RALGAPA2: variants seen among roughly 807,000 people sequenced by gnomAD.
RALGAPA2 encodes ral GTPase-activating protein subunit alpha-2.
Under a neutral mutation model 230.4 loss-of-function variants are expected in RALGAPA2, and 139 were observed. The observed-to-expected ratio is 0.60, with a 90% confidence interval of 0.53 to 0.69. RALGAPA2 has a LOEUF of 0.69. Ranked by LOEUF, RALGAPA2 falls within the 30% of genes least tolerant of loss-of-function variation. The pLI, the probability that RALGAPA2 is intolerant of heterozygous loss-of-function variation, is 0.00. For synonymous variants in RALGAPA2, 847 were observed against 837.8 expected (o/e 1.01, Z -0.19); for missense variants, 2,163 against 2,276.0 (o/e 0.95, Z 1.01).
At chr20:20,574,795 C>T (rs2064767535) in intron 20 of RALGAPA2, among the ~76,000 whole-genome samples, 1 of 152,128 alleles carries the variant, frequency 6.6e-6, no homozygotes, top group African/African-American at 2.4e-5. Context: ...AAGCACATTC[C>T]TCTAATCTCT....
At chr20:20,440,730 G>A (rs555999936) in intron 37 of RALGAPA2, among the ~76,000 whole-genome samples, 65 of 152,356 alleles carry the variant, frequency 4.3e-4, no homozygotes, top group Non-Finnish European at 7.3e-4. Context: ...GTACTCCCCG[G>A]CCCGGGCCTT....
intron 38 of RALGAPA2, among the ~76,000 whole-genome samples, chr20:20,408,056 A>C (rs974185882): frequency 6.6e-6 from 1 of 152,238 alleles, no homozygotes; most frequent in African/African-American, 2.4e-5. Flanking sequence ...GTGTTTATGC[A>C]GGGCTAACAA....
intron 16 of RALGAPA2, among the ~76,000 whole-genome samples, chr20:20,596,077 A>G (rs1292996968): frequency 6.6e-6 from 1 of 152,166 alleles, no homozygotes; most frequent in Non-Finnish European, 1.5e-5. Flanking sequence ...TACCTCCCCA[A>G]CTGTGTTTCT....
chr20:20,464,952 G>C (rs560005231), intron 37 of RALGAPA2, among the ~76,000 whole-genome samples: 2 of 152,228 alleles, frequency 1.3e-5, no homozygotes, highest in East Asian at 1.9e-4. Context: ...AAATGGAAAA[G>C]AGAGAGTTAA....
intron 37 of RALGAPA2, among the ~76,000 whole-genome samples, chr20:20,438,213 A>C (rs1476570342): frequency 6.6e-6 from 1 of 152,220 alleles, no homozygotes; most frequent in South Asian, 2.1e-4. Flanking sequence ...AGATATTTTC[A>C]TGACGCATTA....
intron 23 of RALGAPA2, among the ~76,000 whole-genome samples, chr20:20,548,596 C>T (rs191140720): frequency 6.6e-6 from 1 of 152,114 alleles, no homozygotes; most frequent in African/African-American, 2.4e-5. Flanking sequence ...CATGCTTCTT[C>T]CAGGTTAATG....
chr20:20,689,472 T>C (rs2068824284), intron 1 of RALGAPA2, among the ~76,000 whole-genome samples: 1 of 151,956 alleles, frequency 6.6e-6, no homozygotes, highest in East Asian at 1.9e-4. Context: ...TGAAACCCCG[T>C]CTCTACTAAA....
At chr20:20,584,332 C>G (rs780462455) in intron 19 of RALGAPA2, among the ~76,000 whole-genome samples, 4 of 152,176 alleles carry the variant, frequency 2.6e-5, no homozygotes, top group Non-Finnish European at 5.9e-5. Flanking sequence ...TCCGGTCTAT[C>G]TGCTCACTCA....
intron 3 of RALGAPA2, chr20:20,660,039 G>A (rs527680836): frequency 1.8e-4 from 31 of 175,864 alleles, no homozygotes; most frequent in East Asian, 1.3e-3. Context: ...GAGGCCAGAA[G>A]TTCGAGACCA....
chr20:20,659,843 C>T, intron 3 of RALGAPA2: 1 of 681,816 alleles, frequency 1.5e-6, no homozygotes, highest in Non-Finnish European at 2.5e-6. Flanking sequence ...AAGAGGAAAG[C>T]TATTGTCCCT....
At chr20:20,679,079 C>T (rs2068435085) in intron 2 of RALGAPA2, among the ~76,000 whole-genome samples, 1 of 152,122 alleles carries the variant, frequency 6.6e-6, no homozygotes, top group South Asian at 2.1e-4. Context: ...TACTTTTTCC[C>T]TTGGCAATAA....
intron 3 of RALGAPA2, chr20:20,659,850 C>A: frequency 1.5e-6 from 1 of 645,904 alleles, no homozygotes; most frequent in South Asian, 1.4e-5. Context: ...AAGCTATTGT[C>A]CCTGGACCAG....
chr20:20,661,778 T>C (rs2067787797), intron 3 of RALGAPA2, among the ~76,000 whole-genome samples: 2 of 151,826 alleles, frequency 1.3e-5, no homozygotes, highest in Admixed American at 6.6e-5. Flanking sequence ...GACAATAAAA[T>C]ACAGAAAAGG....
chr20:20,616,152 G>A lies in RALGAPA2; in HGVS notation c.1579C>T (p.Pro527Ser). ...TNSANIFLLE[P>S]CAEVPVLLKE... ...AAGAGCACAGGAACTTCAGCACATG[G>A]TTCCAACAAAAAGATGTTTGCAGAG... The change falls in exon 13 of 40, where the codon CCA becomes TCA. Residue 527 changes from proline to serine, a missense_variant. Pro to Ser is a moderately conservative substitution (Grantham distance 74, BLOSUM62 -1). Transcript: ENST00000202677. 1 of 1,544,684 alleles carries A rather than the reference G, an allele frequency of 6.5e-7. No homozygotes were observed. The highest frequency in any genetic ancestry group is 1.4e-5 in the African/African-American group (1 of 72,996).
At chr20:20,465,794 A>G (rs1454103755) in intron 37 of RALGAPA2, among the ~76,000 whole-genome samples, 1 of 152,202 alleles carries the variant, frequency 6.6e-6, no homozygotes, top group African/African-American at 2.4e-5. Flanking sequence ...TTCACACAGA[A>G]GAGGACCTTC....
Position 20,489,465 on chromosome 20 carries a change from TA to T in RALGAPA2, c.5367+5651del, listed in dbSNP as rs1411853702. 2.6e-5 allele frequency among the ~76,000 whole-genome samples: 4 copies of T among 151,846 alleles called. No individual in the cohort carries two copies. In the East Asian group the frequency reaches 5.8e-4, roughly 22 times the overall value. On this transcript the variant is annotated intron_variant, in intron 36 of 39. Transcript: ENST00000202677. ...AACACCACACTTCAAAGAGTTTATT[TA>T]AAAAATATTCTATATAAAAAAATAA...
intron 24 of RALGAPA2, among the ~76,000 whole-genome samples, chr20:20,545,664 C>T (rs2063757878): frequency 6.6e-6 from 1 of 152,126 alleles, no homozygotes; most frequent in African/African-American, 2.4e-5. Context: ...TTATTTATAC[C>T]ATTTGAAGGG....
At chr20:20,397,107 A>G (rs1015325276) in intron 38 of RALGAPA2, among the ~76,000 whole-genome samples, 2 of 152,264 alleles carry the variant, frequency 1.3e-5, no homozygotes, top group Admixed American at 6.5e-5. Context: ...AAATACAAAG[A>G]TAAAAGTGTT....
intron 17 of RALGAPA2, 127 bp from the exon 18 acceptor site, chr20:20,589,492 T>C: frequency 9.5e-7 from 1 of 1,053,944 alleles, no homozygotes; most frequent in East Asian, 2.7e-5. Flanking sequence ...AAACAGGAGT[T>C]ATGGGCCTGG....
Sources: allele counts gnomAD v4.1 joint callset (sites outside exome capture counted in the v4.1 genomes callset), GRCh38; gene constraint gnomAD v4.1.1; transcripts MANE v1.5; gene names NCBI Gene and HGNC (gene_info 2026-07-23, HGNC 2026-07-21).